The following DDX52 variants were observed in gnomAD, a reference collection of about 807,000 sequenced individuals.
The protein encoded by DDX52 is probable ATP-dependent RNA helicase DDX52.
In DDX52, 59 loss-of-function variants were observed where a neutral mutation model predicts 76.1. That is an observed-to-expected ratio of 0.78 (90% CI 0.63 to 0.96). The LOEUF is 0.96. Ranked by LOEUF, DDX52 falls within the 40% of genes least tolerant of loss-of-function variation. The pLI is 0.00. For missense variants in DDX52, 707 were observed against 703.9 expected (o/e 1.00, Z -0.05); for synonymous variants, 231 against 244.1 (o/e 0.95, Z 0.50).
Position 37,632,114 on chromosome 17 carries a change from T to C in DDX52, c.602A>G (p.His201Arg), listed in dbSNP as rs2030708315. The change falls in exon 4 of 15, where the codon CAT becomes CGT. Residue 201 changes from histidine (H) to arginine (R), a missense_variant and splice_region_variant. Transcript: ENST00000617633. ...GGCATTCTAGATCTTCATACTCACA[T>C]GCAGCATAACTGGGATGGCTTGCAT... The part of the protein sequence containing the change: ...IQMQAIPVML[H>R]GRELLASAPT... 8.1e-6 allele frequency: 13 copies of C among 1,613,084 alleles called. No individual in the cohort carries two copies. In the East Asian group the frequency reaches 2.9e-4, roughly 36 times the overall value.
At position 37,632,231 on chromosome 17, in the gene DDX52, G is replaced by A. The variant is rs1471575924; in HGVS notation, c.485C>T (p.Thr162Ile). 1 of 1,613,976 alleles carries A rather than the reference G, an allele frequency of 6.2e-7. No individual in the cohort carries two copies. Among genetic ancestry groups the A allele is most frequent in the Non-Finnish European group, 8.5e-7 (1 of 1,180,014 alleles). The stretch of plus-strand genomic sequence containing the variant: ...ATATTCCTGGTCAAGTTGCTGAAAT[G>A]TAGCAATTGGGTCAGGAAGATCGGT... Reference protein sequence around the residue: ...QGTDLPDPIATFQQLDQEYKI... With the variant: ...QGTDLPDPIAIFQQLDQEYKI... The change falls in exon 4 of 15, where the codon ACA becomes ATA. Residue 162 changes from threonine (T) to isoleucine (I), a missense_variant. Physicochemically the swap from Thr to Ile is moderately conservative, Grantham distance 89. Transcript: ENST00000617633.
rs759148261 is a variant in DDX52 at position 37,643,328 on chromosome 17, C to T, written c.87+6G>A. 2.3e-5 allele frequency: 37 copies of T among 1,613,126 alleles called. No individual in the cohort carries two copies. The Middle Eastern group carries it at 4.9e-4, about 22-fold the overall frequency. On this transcript the variant is annotated splice_donor_region_variant and intron_variant, in intron 1 of 14. Transcript: ENST00000617633. ...TACTCGGCCCTCGGTCCCTTGGGCACAGTACCTGGAATCGAGCTGCGTCTG... is the reference window on the plus strand; with the variant it reads ...TACTCGGCCCTCGGTCCCTTGGGCATAGTACCTGGAATCGAGCTGCGTCTG...
chr17:37,632,815 GT>G (rs2030745512), intron 3 of DDX52, among the ~76,000 whole-genome samples: 1 of 152,134 alleles, frequency 6.6e-6, no homozygotes, highest in South Asian at 2.1e-4. Context: ...AATACGGCAG[GT>G]GTACAGCAGA....
chr17:37,621,409 TTC>T lies in DDX52; in HGVS notation c.1337_1338del (p.Arg446AsnfsTer7). The T allele has an allele frequency of 6.2e-7, 1 of 1,612,496 alleles. No homozygotes were observed. Among genetic ancestry groups the T allele is most frequent in the South Asian group, 1.1e-5 (1 of 90,382 alleles). On this transcript the variant is annotated frameshift_variant, in exon 10 of 15. Coordinates refer to ENST00000617633, the MANE Select transcript of DDX52 (RefSeq NM_007010.5). LOFTEE classifies it high-confidence loss of function. ...ATATTTGACTTTACCTGTTGTTGTGTTCTCTCTGCATGAATAACATCCACATT... is the reference window on the plus strand; with the variant it reads ...ATATTTGACTTTACCTGTTGTTGTGTTCTCTGCATGAATAACATCCACATT... ...GINVDVIHAE[R>X]TQQQRDNTVH...
intron 7 of DDX52, 45 bp from the exon 8 acceptor site, chr17:37,626,143 C>G: frequency 6.3e-7 from 1 of 1,599,316 alleles, no homozygotes. Flanking sequence ...CTGAAAGATC[C>G]AAGACACTTC....
At chr17:37,636,468 G>A (rs1026215989) in intron 2 of DDX52, among the ~76,000 whole-genome samples, 2 of 152,054 alleles carry the variant, frequency 1.3e-5, no homozygotes, top group Middle Eastern at 3.2e-3. Context: ...TGGAAAATCC[G>A]TATTATGAAG....
rs1011456656 is a variant in DDX52, at chr17:37,620,419, G to T, written c.1577+454C>A. On this transcript the variant is annotated intron_variant, in intron 12 of 14. Transcript: ENST00000617633. The stretch of plus-strand genomic sequence containing the variant: ...ATCTGCTTAAAGCGATATAAAGGCT[G>T]ACAGGTGGCAGAGCCAAAGCTCAGA... The T allele has an allele frequency of 3.6e-5, 6 of 167,050 alleles. No individual in the cohort carries two copies. In the South Asian group the frequency reaches 4.9e-4, roughly 14 times the overall value. 10.3% of individuals were successfully genotyped at this position (167,050 alleles called of 1,614,324 possible).
rs759327814 is a variant in DDX52 at position 37,618,432 on chromosome 17, T to C, written c.1650-48A>G. The C allele has an allele frequency of 5.6e-6, 8 of 1,438,840 alleles. No homozygotes were observed. In the African/African-American group the frequency reaches 1.2e-4, roughly 21 times the overall value. 89.1% of individuals were successfully genotyped at this position (1,438,840 alleles called of 1,614,324 possible). On this transcript the variant is annotated intron_variant, in intron 13 of 14. Transcript: ENST00000617633. Reference sequence around the variant, plus strand: ...GGAAAAGAATTAAGTGCAACTTCAATTAGAAGAGTTAAAGCTAAAATTAGT... The same window carrying C: ...GGAAAAGAATTAAGTGCAACTTCAACTAGAAGAGTTAAAGCTAAAATTAGT...
chr17:37,628,526 A>C, intron 6 of DDX52, 35 bp downstream of exon 6: 5 of 1,484,718 alleles, frequency 3.4e-6, no homozygotes, highest in Non-Finnish European at 4.7e-6. Flanking sequence ...GATTCCTTAC[A>C]TGCTCTATCT....
Position 37,610,170 on chromosome 17 carries a change from C to T in DDX52, c.*4126G>A. 6.6e-6 allele frequency: 1 copy of T among 151,412 alleles called. No individual in the cohort carries two copies. Among genetic ancestry groups the T allele is most frequent in the Non-Finnish European group, 1.5e-5 (1 of 68,308 alleles). 9.4% of individuals were successfully genotyped at this position (151,412 alleles called of 1,614,324 possible). On this transcript the variant is annotated 3_prime_UTR_variant, in exon 15 of 15. Transcript: ENST00000617633. ...ACAGGGTCTTGCTCTGTTGTCCAGG[C>T]TGGAGTGCAGTGGCATGATCATGGC...
At chr17:37,629,228 TAC>T (rs10661586) in intron 5 of DDX52, among the ~76,000 whole-genome samples, 14,525 of 133,662 alleles carry the variant, frequency 0.11, 771 homozygotes, top group Middle Eastern at 0.15. Flanking sequence ...CAAGAAAAAA[TAC>T]ACACACACAC....
chr17:37,643,130 C>T (rs1238498394), intron 1 of DDX52: 2 of 485,314 alleles, frequency 4.1e-6, no homozygotes, highest in South Asian at 6.3e-5. Context: ...AGGTCTACAA[C>T]AGGATAGTTA....
intron 7 of DDX52, 84 bp downstream of exon 7, chr17:37,626,704 G>C: frequency 7.2e-7 from 1 of 1,397,754 alleles, no homozygotes; most frequent in South Asian, 1.2e-5. Context: ...AAGCTCCAAA[G>C]ACAAAAAATA....
Position 37,621,444 on chromosome 17 carries a change from T to C in DDX52, c.1304A>G (p.Glu435Gly). The C allele has an allele frequency of 6.2e-7, 1 of 1,613,814 alleles. No homozygotes were observed. The highest frequency in any genetic ancestry group is 8.5e-7 in the Non-Finnish European group (1 of 1,179,890). Residue 435 changes from glutamate to glycine, a missense_variant, in exon 10 of 15, where the codon GAA becomes GGA. By Grantham distance (98) the Glu-to-Gly change is moderately conservative. Transcript: ENST00000617633. ...ATGAATAACATCCACATTAATACCTTCATATATGAGCTCATGAAAAAGTTC... is the reference window on the plus strand; with the variant it reads ...ATGAATAACATCCACATTAATACCTCCATATATGAGCTCATGAAAAAGTTC... ...AKELFHELIYEGINVDVIHAE... is the reference protein window; with the variant it reads ...AKELFHELIYGGINVDVIHAE...
intron 1 of DDX52, among the ~76,000 whole-genome samples, 179 bp from the exon 2 acceptor site, chr17:37,642,487 A>G (rs561001719): frequency 2.0e-5 from 3 of 152,318 alleles, no homozygotes; most frequent in African/African-American, 7.2e-5. Context: ...ATAGTAACAA[A>G]TTAATATTAG....
intron 6 of DDX52, among the ~76,000 whole-genome samples, chr17:37,627,250 T>C (rs1180544901): frequency 6.6e-6 from 1 of 152,200 alleles, no homozygotes; most frequent in Non-Finnish European, 1.5e-5. Context: ...TCGCCCAGGC[T>C]GGAGTGCAGT....
chr17:37,618,504 G>A (rs1377156027), intron 13 of DDX52, 120 bp from the exon 14 acceptor site: 16 of 823,452 alleles, frequency 1.9e-5, no homozygotes, highest in South Asian at 4.0e-5. Flanking sequence ...CCTTTGAGAC[G>A]GAGTTTTGCT....
At chr17:37,631,215 G>A (rs966669797) in intron 4 of DDX52, 2 of 152,066 alleles carry the variant, frequency 1.3e-5, no homozygotes, top group Non-Finnish European at 2.9e-5. Context: ...CTTAACGTCC[G>A]AAAACCTAAG....
At chr17:37,626,639 T>G in intron 7 of DDX52, 149 bp downstream of exon 7, 5 of 723,616 alleles carry the variant, frequency 6.9e-6, no homozygotes, top group Non-Finnish European at 1.2e-5. Context: ...TTCTATGAAT[T>G]TTTTTAAAAA....
Sources: allele counts gnomAD v4.1 joint callset (sites outside exome capture counted in the v4.1 genomes callset), GRCh38; gene constraint gnomAD v4.1.1; transcripts MANE v1.5; gene names NCBI Gene and HGNC (gene_info 2026-07-23, HGNC 2026-07-21).